The following GALNT17 variants were observed in gnomAD, a reference collection of about 807,000 sequenced individuals.
GALNT17 encodes polypeptide N-acetylgalactosaminyltransferase 17, also known as UDP-GalNAc:polypeptide N-acetylgalactosaminyltransferase-like 3.
Under a neutral mutation model 63.7 loss-of-function variants are expected in GALNT17, and 29 were observed. The ratio of observed to expected loss-of-function variants is 0.46; its 90% CI spans 0.34 to 0.62. GALNT17 has a LOEUF of 0.62. Ranked by LOEUF, GALNT17 falls within the 20% of genes least tolerant of loss-of-function variation. The probability of loss-of-function intolerance (pLI) is 0.01; values close to 1 mark genes in which losing one functional copy is unlikely to be tolerated. For missense variants in GALNT17, 603 were observed against 799.6 expected (o/e 0.75, Z 2.97); for synonymous variants, 305 against 318.3 (o/e 0.96, Z 0.45).
At chr7:71,197,061 C>A (rs561456293) in intron 1 of GALNT17, among the ~76,000 whole-genome samples, 2 of 152,162 alleles carry the variant, frequency 1.3e-5, no homozygotes, top group South Asian at 4.2e-4. Context: ...GTGTAACAAT[C>A]ACATCATGGA....
At chr7:71,238,675 C>A (rs115060464) in intron 1 of GALNT17, among the ~76,000 whole-genome samples, 2 of 152,138 alleles carry the variant, frequency 1.3e-5, no homozygotes, top group Non-Finnish European at 2.9e-5. Context: ...TCTCTGTGTG[C>A]GGTTAAACAC....
At chr7:71,365,819 G>A (rs926246765) in intron 2 of GALNT17, among the ~76,000 whole-genome samples, 4 of 151,942 alleles carry the variant, frequency 2.6e-5, no homozygotes, top group Non-Finnish European at 5.9e-5. Flanking sequence ...TGAGGGGTGG[G>A]TTGGTTTGGG....
intron 2 of GALNT17, among the ~76,000 whole-genome samples, chr7:71,373,935 A>G (rs1025547272): frequency 6.6e-6 from 1 of 152,154 alleles, no homozygotes; most frequent in Non-Finnish European, 1.5e-5. Context: ...GGGTTTCCTT[A>G]TACCCTTTCC....
In GALNT17 at chr7:71,296,710, A is replaced by T. The variant is rs6972579; in HGVS notation, c.239-38840A>T. 2.9e-3 allele frequency among the ~76,000 whole-genome samples: 421 copies of T among 147,264 alleles called. 3 individuals carry two copies. The highest frequency in any genetic ancestry group is 9.9e-3 in the African/African-American group (408 of 41,170). On this transcript the variant is annotated intron_variant, in intron 1 of 10. Coordinates refer to ENST00000333538, the MANE Select transcript of GALNT17 (RefSeq NM_022479.3). ...ATTTGGCCTTAAGAACCAAGAAAAAAAAAACGTGTTTTTTTTTAGACAGGG... is the reference window on the plus strand; with the variant it reads ...ATTTGGCCTTAAGAACCAAGAAAAATAAAACGTGTTTTTTTTTAGACAGGG...
At chr7:71,418,798 C>T (rs771660044) in intron 4 of GALNT17, among the ~76,000 whole-genome samples, 3 of 152,190 alleles carry the variant, frequency 2.0e-5, no homozygotes, top group Non-Finnish European at 4.4e-5. Flanking sequence ...GATCAAAATT[C>T]TCAGCCGCAG....
chr7:71,513,694 A>G (rs78028691), intron 5 of GALNT17, among the ~76,000 whole-genome samples: 1 of 146,970 alleles, frequency 6.8e-6, no homozygotes, highest in Non-Finnish European at 1.5e-5. Context: ...CCCCTTGGCT[A>G]TTTTTTTTTT....
intron 5 of GALNT17, among the ~76,000 whole-genome samples, chr7:71,452,467 A>C (rs1312006494): frequency 6.6e-6 from 1 of 151,716 alleles, no homozygotes; most frequent in East Asian, 1.9e-4. Context: ...AATTGGCTTG[A>C]ACTTGGGAGG....
At chr7:71,544,615 AG>A (rs1788951362) in intron 5 of GALNT17, among the ~76,000 whole-genome samples, 1 of 152,190 alleles carries the variant, frequency 6.6e-6, no homozygotes, top group African/African-American at 2.4e-5. Context: ...TCCAAAGCCC[AG>A]GATAGAAAAT....
At chr7:71,493,700 A>G (rs577398456) in intron 5 of GALNT17, among the ~76,000 whole-genome samples, 9 of 152,174 alleles carry the variant, frequency 5.9e-5, no homozygotes, top group Non-Finnish European at 1.0e-4. Flanking sequence ...GGGAGCTTCA[A>G]TTCAAGATGA....
chr7:71,338,251 C>G (rs1220296708), intron 2 of GALNT17, among the ~76,000 whole-genome samples: 2 of 151,468 alleles, frequency 1.3e-5, no homozygotes, highest in East Asian at 1.9e-4. Flanking sequence ...GGCGTGAACC[C>G]GGGAGGCGGA....
chr7:71,670,851 G>A (rs774052150), intron 8 of GALNT17, among the ~76,000 whole-genome samples: 3 of 151,714 alleles, frequency 2.0e-5, no homozygotes, highest in African/African-American at 4.8e-5. Context: ...CAGAGATAAC[G>A]TGTACACTTT....
At chr7:71,206,385 C>G (rs1789272400) in intron 1 of GALNT17, among the ~76,000 whole-genome samples, 1 of 152,006 alleles carries the variant, frequency 6.6e-6, no homozygotes, top group South Asian at 2.1e-4. Flanking sequence ...TGTCATGATT[C>G]ATGATCTCCC....
intron 9 of GALNT17, among the ~76,000 whole-genome samples, chr7:71,702,189 A>G (rs1028249533): frequency 1.3e-5 from 2 of 151,962 alleles, no homozygotes; most frequent in Admixed American, 6.6e-5. Flanking sequence ...TATGTTTACT[A>G]TTTGGGTGAT....
chr7:71,613,009 C>T (rs1584089773), intron 6 of GALNT17, among the ~76,000 whole-genome samples: 1 of 152,308 alleles, frequency 6.6e-6, no homozygotes, highest in East Asian at 1.9e-4. Context: ...GCCCCCCTCT[C>T]GCCTATCACC....
At chr7:71,419,033 A>G (rs1420424088) in intron 4 of GALNT17, among the ~76,000 whole-genome samples, 1 of 152,178 alleles carries the variant, frequency 6.6e-6, no homozygotes, top group Non-Finnish European at 1.5e-5. Context: ...GTGAGCTGAG[A>G]TCATGCCATT....
intron 5 of GALNT17, among the ~76,000 whole-genome samples, chr7:71,529,962 G>T (rs573154887): frequency 6.6e-6 from 1 of 152,270 alleles, no homozygotes; most frequent in East Asian, 1.9e-4. Context: ...ACATACTTTT[G>T]TTTAAAAATA....
At chr7:71,641,472 A>G (rs931242970) in intron 6 of GALNT17, among the ~76,000 whole-genome samples, 4 of 152,188 alleles carry the variant, frequency 2.6e-5, no homozygotes, top group African/African-American at 9.7e-5. Flanking sequence ...GAGATTGGGA[A>G]GTCCAAGATC....
intron 5 of GALNT17, among the ~76,000 whole-genome samples, chr7:71,463,312 TAAAC>T (rs1787482059): frequency 1.3e-5 from 2 of 152,218 alleles, no homozygotes; most frequent in Non-Finnish European, 2.9e-5. Context: ...AATCAATTCT[TAAAC>T]AGTCTGAGGG....
intron 5 of GALNT17, among the ~76,000 whole-genome samples, chr7:71,520,868 G>A (rs1788519450): frequency 6.6e-6 from 1 of 152,122 alleles, no homozygotes; most frequent in Non-Finnish European, 1.5e-5. Flanking sequence ...GGAGAGGAGG[G>A]ACAGGAGTAA....
Sources: allele counts gnomAD v4.1 joint callset (sites outside exome capture counted in the v4.1 genomes callset), GRCh38; gene constraint gnomAD v4.1.1; transcripts MANE v1.5; gene names NCBI Gene and HGNC (gene_info 2026-07-23, HGNC 2026-07-21).